The following AKAP6 variants were observed in gnomAD, a reference collection of about 807,000 sequenced individuals.
AKAP6 encodes A-kinase anchor protein 6.
In AKAP6, 58 loss-of-function variants were observed where a neutral mutation model predicts 188.5. The ratio of observed to expected loss-of-function variants is 0.31; its 90% CI spans 0.25 to 0.38. The LOEUF is 0.38. Among genes scored for constraint, AKAP6 ranks in the 10% least tolerant of loss-of-function variants. The pLI is 1.00. For synonymous variants in AKAP6, 989 were observed against 998.6 expected (o/e 0.99, Z 0.18); for missense variants, 2,710 against 2,740.0 (o/e 0.99, Z 0.24).
chr14:32,607,750 A>G (rs1886180778), intron 7 of AKAP6, among the ~76,000 whole-genome samples: 1 of 152,228 alleles, frequency 6.6e-6, no homozygotes, highest in Non-Finnish European at 1.5e-5. Flanking sequence ...GCAAATGAGT[A>G]GTAAATACAT....
At chr14:32,622,592 G>A (rs1444584695) in intron 7 of AKAP6, among the ~76,000 whole-genome samples, 1 of 151,992 alleles carries the variant, frequency 6.6e-6, no homozygotes, top group Non-Finnish European at 1.5e-5. Context: ...TCCCTCAAAG[G>A]GTTATTGAAT....
intron 4 of AKAP6, among the ~76,000 whole-genome samples, chr14:32,563,921 A>T (rs1884075268): frequency 6.6e-6 from 1 of 152,230 alleles, no homozygotes; most frequent in East Asian, 1.9e-4. Context: ...CTTATGAATA[A>T]TATATACTTA....
chr14:32,637,769 G>A (rs1340479875), intron 7 of AKAP6, among the ~76,000 whole-genome samples: 1 of 152,024 alleles, frequency 6.6e-6, no homozygotes, highest in African/African-American at 2.4e-5. Flanking sequence ...TACAGTGTGG[G>A]ACATGGGAGT....
At chr14:32,346,918 A>G (rs187610103) in intron 1 of AKAP6, among the ~76,000 whole-genome samples, 1 of 152,340 alleles carries the variant, frequency 6.6e-6, no homozygotes. Context: ...TACTTCTTCT[A>G]TAGGCTTGAT....
intron 2 of AKAP6, among the ~76,000 whole-genome samples, chr14:32,453,539 T>C (rs1278169267): frequency 6.6e-6 from 1 of 151,226 alleles, no homozygotes; most frequent in East Asian, 1.9e-4. Context: ...TATTAGCCAC[T>C]TGAAATTCCT....
chr14:32,419,200 A>G (rs933498076), intron 1 of AKAP6, among the ~76,000 whole-genome samples: 2 of 152,158 alleles, frequency 1.3e-5, no homozygotes, highest in Non-Finnish European at 2.9e-5. Flanking sequence ...TTCTTTCTGT[A>G]ATAAAGAATA....
chr14:32,337,143 G>A (rs893077383), intron 1 of AKAP6, among the ~76,000 whole-genome samples: 2 of 152,186 alleles, frequency 1.3e-5, no homozygotes, highest in African/African-American at 4.8e-5. Context: ...AACTGAAACA[G>A]CAGGGGAGGT....
At chr14:32,502,334 A>G (rs1566542212) in intron 2 of AKAP6, among the ~76,000 whole-genome samples, 2 of 152,114 alleles carry the variant, frequency 1.3e-5, no homozygotes, top group Non-Finnish European at 2.9e-5. Flanking sequence ...CTCTCCATGG[A>G]TTACTGATTA....
At chr14:32,490,972 A>G (rs1879982289) in intron 2 of AKAP6, among the ~76,000 whole-genome samples, 1 of 152,206 alleles carries the variant, frequency 6.6e-6, no homozygotes, top group Admixed American at 6.5e-5. Flanking sequence ...TTTTATGTCG[A>G]TGCCTCTGGG....
chr14:32,335,929 T>G (rs1204272216), intron 1 of AKAP6, among the ~76,000 whole-genome samples: 1 of 149,106 alleles, frequency 6.7e-6, no homozygotes, highest in East Asian at 2.0e-4. Context: ...CAGGAAAAGT[T>G]CATTTTTTTT....
chr14:32,490,275 C>G (rs891172827), intron 2 of AKAP6, among the ~76,000 whole-genome samples: 2 of 152,222 alleles, frequency 1.3e-5, no homozygotes, highest in African/African-American at 4.8e-5. Context: ...GATGGCTTAG[C>G]TCGGGCTCAG....
intron 2 of AKAP6, among the ~76,000 whole-genome samples, chr14:32,533,769 A>G (rs1474729937): frequency 6.6e-6 from 1 of 152,216 alleles, no homozygotes; most frequent in Non-Finnish European, 1.5e-5. Flanking sequence ...TGATGATAGC[A>G]GTGAGAGCCC....
rs1256833435 is a variant in AKAP6 at position 32,836,627 on chromosome 14, C to G, written c.*6822C>G. On this transcript the variant is annotated 3_prime_UTR_variant, in exon 14 of 14. Coordinates refer to ENST00000280979, the MANE Select transcript of AKAP6 (RefSeq NM_004274.5). ...TGGAGTGACGTTACTTTAAGGGTAA[C>G]TTTGAAGCCAATCTAATTCATACTC... 2 of 152,142 alleles carry G rather than the reference C, an allele frequency of 1.3e-5. No individual in the cohort carries two copies. The highest frequency in any genetic ancestry group is 3.9e-4 in the East Asian group (2 of 5,176). 9.4% of individuals were successfully genotyped at this position (152,142 alleles called of 1,614,324 possible).
intron 1 of AKAP6, among the ~76,000 whole-genome samples, chr14:32,342,192 C>T (rs556543731): frequency 6.6e-6 from 1 of 152,278 alleles, no homozygotes; most frequent in African/African-American, 2.4e-5. Context: ...ATTATTTTCT[C>T]CCAGATTCAG....
In AKAP6 at chr14:32,423,466, A is replaced by T. The variant is rs190438225; in HGVS notation, c.-34-9994A>T. On this transcript the variant is annotated intron_variant, in intron 1 of 13. Transcript: ENST00000280979. ...AGTGCTGGGATTACAGGCATGAGCCACCATGCCTAGCCATAACTTATTTTT... is the reference window on the plus strand; with the variant it reads ...AGTGCTGGGATTACAGGCATGAGCCTCCATGCCTAGCCATAACTTATTTTT... Among the ~76,000 whole-genome samples the T allele has an allele frequency of 1.2e-4, 19 of 152,292 alleles. No individual in the cohort carries two copies. In the East Asian group the frequency reaches 2.9e-3, roughly 23 times the overall value.
At chr14:32,673,620 A>G (rs1300294765) in intron 7 of AKAP6, among the ~76,000 whole-genome samples, 1 of 152,152 alleles carries the variant, frequency 6.6e-6, no homozygotes, top group Non-Finnish European at 1.5e-5. Flanking sequence ...CTGTAATCCC[A>G]GCTACTTGGG....
intron 7 of AKAP6, among the ~76,000 whole-genome samples, chr14:32,625,472 A>G (rs1886982684): frequency 6.6e-6 from 1 of 152,102 alleles, no homozygotes; most frequent in African/African-American, 2.4e-5. Flanking sequence ...ATTATTACAC[A>G]AAACATATGT....
intron 2 of AKAP6, among the ~76,000 whole-genome samples, chr14:32,492,422 T>C (rs1411973167): frequency 6.8e-6 from 1 of 146,320 alleles, no homozygotes; most frequent in Admixed American, 7.0e-5. Flanking sequence ...ATACCTCACA[T>C]AACTTTCAGT....
intron 7 of AKAP6, among the ~76,000 whole-genome samples, chr14:32,655,084 A>G (rs1244488126): frequency 6.6e-6 from 1 of 152,166 alleles, no homozygotes; most frequent in African/African-American, 2.4e-5. Flanking sequence ...ATTAATGAGT[A>G]AAATTGATTA....
Sources: gnomAD v4.1 joint callset for allele counts (sites outside exome capture counted in the v4.1 genomes callset) on GRCh38, gnomAD v4.1.1 for gene constraint, MANE v1.5 for transcripts, NCBI Gene and HGNC (gene_info 2026-07-23, HGNC 2026-07-21) for gene names.